IGFL2: variants seen among roughly 807,000 people sequenced by gnomAD.
The protein encoded by IGFL2 is insulin growth factor-like family member 2.
IGFL2 carries 7 observed loss-of-function variants against 13.9 expected under a neutral mutation model. That is an observed-to-expected ratio of 0.51 (90% CI 0.29 to 0.95). IGFL2 has a LOEUF of 0.95. Ranked by LOEUF, IGFL2 falls within the 40% of genes least tolerant of loss-of-function variation. The pLI, the probability that IGFL2 is intolerant of heterozygous loss-of-function variation, is 0.08. For synonymous variants in IGFL2, 55 were observed against 55.8 expected (o/e 0.99, Z 0.07); for missense variants, 138 against 147.8 (o/e 0.93, Z 0.34).
the IGFL2 span, among the ~76,000 whole-genome samples, chr19:46,180,981 C>T: frequency 6.6e-6 from 1 of 152,208 alleles, no homozygotes; most frequent in African/African-American, 2.4e-5. Flanking sequence ...AGTGCACTGA[C>T]TCAGATGTGA....
In IGFL2 at chr19:46,161,059, T is replaced by A. The variant is rs934743379; in HGVS notation, c.342-11T>A. The A allele has an allele frequency of 3.1e-6, 5 of 1,587,568 alleles. No individual in the cohort carries two copies. The highest frequency in any genetic ancestry group is 3.6e-5 in the Admixed American group (2 of 55,154). ...GTTATTCGTAATTTCTTGGTTTCTTTTTCTCTGTAGCAGAAGACGTTTTCC... is the reference window on the plus strand; with the variant it reads ...GTTATTCGTAATTTCTTGGTTTCTTATTCTCTGTAGCAGAAGACGTTTTCC... On this transcript the variant is annotated splice_polypyrimidine_tract_variant and intron_variant, in intron 3 of 3. Coordinates refer to ENST00000377693, the MANE Select transcript of IGFL2 (RefSeq NM_001135113.2).
chr19:46,152,400 C>T (rs1973551681), intron 1 of IGFL2, among the ~76,000 whole-genome samples: 1 of 152,054 alleles, frequency 6.6e-6, no homozygotes, highest in Admixed American at 6.6e-5. Context: ...CCTCAGCTTC[C>T]TGAGCAGCTA....
At chr19:46,191,189 T>G in the IGFL2 span, among the ~76,000 whole-genome samples, 3 of 152,050 alleles carry the variant, frequency 2.0e-5, no homozygotes, top group Non-Finnish European at 4.4e-5. Context: ...ATACTTCTAG[T>G]ATAATTTCAA....
At chr19:46,162,131 A>G (rs191682661), downstream of IGFL2, among the ~76,000 whole-genome samples, 90 of 152,268 alleles carry the variant, frequency 5.9e-4, no homozygotes, top group African/African-American at 2.0e-3. Flanking sequence ...TAGATCCCCA[A>G]TCTCTTCTGG....
the IGFL2 span, among the ~76,000 whole-genome samples, chr19:46,103,083 A>G: frequency 6.6e-6 from 1 of 152,208 alleles, no homozygotes; most frequent in South Asian, 2.1e-4. Flanking sequence ...TAAAAGACTA[A>G]GAAATGGGAG....
the IGFL2 span, among the ~76,000 whole-genome samples, chr19:46,186,069 C>A: frequency 6.6e-6 from 1 of 152,286 alleles, no homozygotes; most frequent in East Asian, 1.9e-4. Context: ...CCTCCTGTTC[C>A]AGCCAGGAAG....
At chr19:46,118,932 C>T in the IGFL2 span, among the ~76,000 whole-genome samples, 3 of 152,080 alleles carry the variant, frequency 2.0e-5, no homozygotes, top group Non-Finnish European at 4.4e-5. Flanking sequence ...GACATGGCTG[C>T]AGCTGTGGCC....
upstream of IGFL2, chr19:46,148,192 G>A: frequency 1.6e-6 from 2 of 1,251,648 alleles, no homozygotes; most frequent in Non-Finnish European, 2.3e-6. Context: ...CCCTAAATGT[G>A]GATAAGTTCA....
the IGFL2 span, among the ~76,000 whole-genome samples, chr19:46,136,531 T>C: frequency 2.6e-5 from 4 of 152,262 alleles, no homozygotes; most frequent in East Asian, 7.7e-4. Context: ...CCAATAAACA[T>C]GTAAAAAATA....
the IGFL2 span, among the ~76,000 whole-genome samples, chr19:46,105,530 G>A: frequency 6.6e-6 from 1 of 152,186 alleles, no homozygotes; most frequent in Non-Finnish European, 1.5e-5. Context: ...ACAGTTATGG[G>A]GGTCAGGTGG....
chr19:46,137,688 C>T, the IGFL2 span: 85 of 544,738 alleles, frequency 1.6e-4, no homozygotes, highest in East Asian at 2.0e-3. Context: ...CCTTGGTCCC[C>T]GGCTTCAGGG....
the IGFL2 span, chr19:46,137,597 A>G: frequency 7.8e-5 from 81 of 1,033,436 alleles, no homozygotes; most frequent in Admixed American, 1.3e-3. Flanking sequence ...AATACCTTTC[A>G]TTGTTTCCAT....
At chr19:46,114,291 C>G in the IGFL2 span, among the ~76,000 whole-genome samples, 1 of 152,148 alleles carries the variant, frequency 6.6e-6, no homozygotes, top group African/African-American at 2.4e-5. Flanking sequence ...CCAACAGCCT[C>G]CAATCAGGGA....
chr19:46,183,775 A>G, the IGFL2 span, among the ~76,000 whole-genome samples: 1 of 152,026 alleles, frequency 6.6e-6, no homozygotes, highest in African/African-American at 2.4e-5. Context: ...ACCTCAGATG[A>G]TCTGCCTGCC....
At chr19:46,132,639 A>G in the IGFL2 span, among the ~76,000 whole-genome samples, 2 of 147,176 alleles carry the variant, frequency 1.4e-5, no homozygotes, top group Non-Finnish European at 3.0e-5. Context: ...AGAGAAGGAG[A>G]GGAAGAGGGA....
At chr19:46,201,117 G>C in the IGFL2 span, among the ~76,000 whole-genome samples, 2 of 152,192 alleles carry the variant, frequency 1.3e-5, no homozygotes, top group Admixed American at 1.3e-4. Flanking sequence ...AGGAGAACAC[G>C]CTGTCCCCTC....
At chr19:46,139,524 G>A (rs1479102808), upstream of IGFL2, among the ~76,000 whole-genome samples, 2 of 151,976 alleles carry the variant, frequency 1.3e-5, no homozygotes, top group Non-Finnish European at 2.9e-5. Flanking sequence ...AATTACTGTA[G>A]CTAAGTGAAT....
At chr19:46,083,410 A>G in the IGFL2 span, among the ~76,000 whole-genome samples, 3 of 152,224 alleles carry the variant, frequency 2.0e-5, no homozygotes, top group African/African-American at 7.2e-5. Context: ...ACATTATCCC[A>G]TAAAGACTAA....
At chr19:46,207,101 C>T in the IGFL2 span, 1 of 152,248 alleles carries the variant, frequency 6.6e-6, no homozygotes, top group South Asian at 2.1e-4. Context: ...CACCAAGGCT[C>T]ATAAGGGGAG....
Sources: gnomAD v4.1 joint callset for allele counts (sites outside exome capture counted in the v4.1 genomes callset) on GRCh38, gnomAD v4.1.1 for gene constraint, MANE v1.5 for transcripts, NCBI Gene and HGNC (gene_info 2026-07-23, HGNC 2026-07-21) for gene names.